DLAT: variants seen among roughly 807,000 people sequenced by gnomAD.
DLAT encodes dihydrolipoamide S-acetyltransferase, also known as dihydrolipoyllysine-residue acetyltransferase component of pyruvate dehydrogenase complex, mitochondrial.
DLAT carries 43 observed loss-of-function variants against 68.0 expected under a neutral mutation model. The observed-to-expected ratio is 0.63, with a 90% CI of 0.50 to 0.81. The LOEUF is 0.81. Among genes scored for constraint, DLAT ranks in the 40% least tolerant of loss-of-function variants. DLAT has a pLI of 0.00. For missense variants in DLAT, 745 were observed against 815.4 expected (o/e 0.91, Z 1.05); for synonymous variants, 265 against 288.6 (o/e 0.92, Z 0.83).
At chr11:112,060,179 T>G (rs1864482107) in intron 12 of DLAT, 114 bp downstream of exon 12, 1 of 989,954 alleles carries the variant, frequency 1.0e-6, no homozygotes, top group African/African-American at 1.7e-5. Context: ...TTTTTTTTTT[T>G]TTGAGACGGA....
Position 112,051,270 on chromosome 11 carries a change from T to C in DLAT, c.1435T>C (p.Phe479Leu). ...GAGAAGCAAAATTTCTGTCAATGAC[T>C]TCATCATAAAAGCTTCAGCTTTGGC... ...EGRSKISVND[F>L]IIKASALACL... Residue 479 changes from phenylalanine to leucine, a missense_variant, in exon 11 of 14, where the codon TTC becomes CTC. By Grantham distance (22) the Phe-to-Leu change is conservative. Transcript: ENST00000280346. The surrounding 1 kb of genome is among the most constrained non-coding windows in gnomAD (Gnocchi z 4.3). 1 of 1,613,262 alleles carries C rather than the reference T, an allele frequency of 6.2e-7. No individual in the cohort carries two copies. Among genetic ancestry groups the C allele is most frequent in the Non-Finnish European group, 8.5e-7 (1 of 1,179,926 alleles).
intron 11 of DLAT, among the ~76,000 whole-genome samples, chr11:112,052,578 G>C (rs587756114): frequency 3.0e-4 from 46 of 152,272 alleles, no homozygotes; most frequent in African/African-American, 1.1e-3. Flanking sequence ...TTTGAGGTGG[G>C]GTGGTGCAGA....
At chr11:112,027,792 C>A (rs1391293018) in intron 2 of DLAT, among the ~76,000 whole-genome samples, 1 of 151,930 alleles carries the variant, frequency 6.6e-6, no homozygotes, top group Non-Finnish European at 1.5e-5. Context: ...CGCAGGCACT[C>A]AGCAGGCTGA....
In DLAT at chr11:112,062,724, A is replaced by G; in HGVS notation, c.*189A>G. On this transcript the variant is annotated 3_prime_UTR_variant, in exon 14 of 14. Transcript: ENST00000280346. ...TGCCGATTACACCCAAATATTGTGC[A>G]CATTTAATAATCAGACACCAGATTT... 1.6e-6 allele frequency: 1 copy of G among 634,380 alleles called. No individual in the cohort carries two copies. The allele number at this position is 634,380 out of a possible 1,614,324, so 39.3% of individuals were successfully genotyped here. A position where few individuals can be genotyped will look rare whatever the true frequency, so the allele number is the denominator to read the frequency against.
chr11:112,027,065 G>T (rs1444046999), intron 2 of DLAT, among the ~76,000 whole-genome samples: 1 of 151,800 alleles, frequency 6.6e-6, no homozygotes, highest in East Asian at 1.9e-4. Context: ...CTCCCGGACG[G>T]GGTGGCTGCC....
In DLAT at chr11:112,040,491, C is replaced by T. The variant is rs118178980; in HGVS notation, c.1129+1094C>T. The stretch of plus-strand genomic sequence containing the variant: ...CTATCCTGCCTTCTGTTTTGATGCT[C>T]TGCCATCCATAATTACTAAAGAAAA... On this transcript the variant is annotated intron_variant, in intron 7 of 13. Coordinates refer to ENST00000280346, the MANE Select transcript of DLAT (RefSeq NM_001931.5). 6.9e-3 allele frequency among the ~76,000 whole-genome samples: 1,047 copies of T among 152,274 alleles called. 5 individuals are homozygous for T. The highest frequency in any genetic ancestry group is 0.051 in the Middle Eastern group (15 of 294).
chr11:112,028,043 C>A (rs1403620920), intron 2 of DLAT, among the ~76,000 whole-genome samples: 3 of 152,194 alleles, frequency 2.0e-5, no homozygotes, highest in Non-Finnish European at 4.4e-5. Flanking sequence ...GTAGCTACCC[C>A]TTTGTTTAAG....
chr11:112,053,508 A>G (rs1428322808), intron 11 of DLAT, among the ~76,000 whole-genome samples: 1 of 151,964 alleles, frequency 6.6e-6, no homozygotes, highest in East Asian at 1.9e-4. Context: ...GCTAGAGTGC[A>G]GTGGCGTGAT....
At chr11:112,038,272 C>T (rs1440552364) in intron 6 of DLAT, among the ~76,000 whole-genome samples, 2 of 152,090 alleles carry the variant, frequency 1.3e-5, no homozygotes, top group Non-Finnish European at 2.9e-5. Context: ...GATCTTGGCT[C>T]ACTGCAGCCT....
At chr11:112,025,864 C>G in intron 1 of DLAT, 113 bp downstream of exon 1, 1 of 1,359,566 alleles carries the variant, frequency 7.4e-7, no homozygotes, top group East Asian at 2.5e-5. Context: ...CCAGTATCTG[C>G]TTTGGCCCTT....
chr11:112,044,133 C>CT (rs1348982816), intron 8 of DLAT, among the ~76,000 whole-genome samples: 10 of 152,070 alleles, frequency 6.6e-5, no homozygotes, highest in Non-Finnish European at 1.2e-4. Flanking sequence ...AAGATTTGTT[C>CT]TTTTTTTCTT....
intron 2 of DLAT, among the ~76,000 whole-genome samples, chr11:112,027,872 C>T (rs938443121): frequency 4.0e-5 from 6 of 151,584 alleles, no homozygotes; most frequent in Admixed American, 3.9e-4. Flanking sequence ...TTCGGCTCAG[C>T]ATCAGAGGGA....
At chr11:112,046,514 G>A (rs1442415435) in intron 10 of DLAT, among the ~76,000 whole-genome samples, 3 of 151,298 alleles carry the variant, frequency 2.0e-5, no homozygotes, top group East Asian at 1.9e-4. Flanking sequence ...TGTGCAGAAC[G>A]TGCAGGTTTG....
In DLAT at chr11:112,045,837, G is replaced by A. The variant is rs781851313; in HGVS notation, c.1291-26G>A. On this transcript the variant is annotated intron_variant, in intron 9 of 13. Coordinates refer to ENST00000280346, the MANE Select transcript of DLAT (RefSeq NM_001931.5). ...GTTAAGGTCTTAACTCAAGATAATT[G>A]ATTTTTTAAATCTCTTTGGTTTCAG... is the stretch of plus-strand genomic sequence containing the variant. The A allele has an allele frequency of 1.5e-5, 22 of 1,477,240 alleles. No individual in the cohort carries two copies. In the Admixed American group the frequency reaches 3.0e-4, roughly 20 times the overall value. 91.5% of individuals were successfully genotyped at this position (1,477,240 alleles called of 1,614,324 possible). A position where few individuals can be genotyped will look rare whatever the true frequency, so the allele number is the denominator to read the frequency against.
intron 7 of DLAT, among the ~76,000 whole-genome samples, chr11:112,040,429 ATTTG>A (rs1298977921): frequency 1.3e-5 from 2 of 152,122 alleles, no homozygotes; most frequent in Non-Finnish European, 2.9e-5. Flanking sequence ...GTAACTCTAG[ATTTG>A]TTTAACTCTA....
At position 112,046,509 on chromosome 11, in the gene DLAT, A is replaced by T. The variant is rs144892515; in HGVS notation, c.1398+539A>T. ...ACTTTAAGTTCTGGGATACATGTGC[A>T]GAACGTGCAGGTTTGTTACATAGGT... On this transcript the variant is annotated intron_variant, in intron 10 of 13. Coordinates refer to ENST00000280346, the MANE Select transcript of DLAT (RefSeq NM_001931.5). Among the ~76,000 whole-genome samples the T allele has an allele frequency of 7.9e-5, 12 of 151,636 alleles. No homozygotes were observed. In the East Asian group the frequency reaches 2.3e-3, roughly 29 times the overall value.
At chr11:112,028,372 T>C in intron 2 of DLAT, 143 bp from the exon 3 acceptor site, 1 of 936,804 alleles carries the variant, frequency 1.1e-6, no homozygotes, top group South Asian at 1.5e-5. Context: ...TGAGCCGAGA[T>C]TGCACCACTG....
chr11:112,042,973 G>T (rs1863122017), intron 7 of DLAT, among the ~76,000 whole-genome samples: 1 of 152,172 alleles, frequency 6.6e-6, no homozygotes, highest in South Asian at 2.1e-4. Flanking sequence ...TGTTATACCT[G>T]TAAATTCTGT....
intron 4 of DLAT, among the ~76,000 whole-genome samples, chr11:112,032,957 G>T (rs1219287551): frequency 6.6e-6 from 1 of 152,110 alleles, no homozygotes; most frequent in South Asian, 2.1e-4. Flanking sequence ...CCAGCTACTC[G>T]GGAGGCTGAG....
Sources: gnomAD v4.1 joint callset for allele counts (sites outside exome capture counted in the v4.1 genomes callset) on GRCh38, gnomAD v4.1.1 for gene constraint, Gnocchi (gnomAD v3.1) non-coding constraint, MANE v1.5 for transcripts, NCBI Gene and HGNC (gene_info 2026-07-23, HGNC 2026-07-21) for gene names.